The following BLTP3B variants were observed in gnomAD, a reference collection of about 807,000 sequenced individuals.
The protein encoded by BLTP3B is UHRF1 (ICBP90) binding protein 1-like.
the BLTP3B span, among the ~76,000 whole-genome samples, chr12:100,136,415 ACT>A: frequency 1.3e-5 from 2 of 152,252 alleles, no homozygotes; most frequent in Admixed American, 6.5e-5. Context: ...TAGTGATCCT[ACT>A]CATGCTTCTT....
chr12:100,056,488 T>C, the BLTP3B span, among the ~76,000 whole-genome samples: 1 of 152,096 alleles, frequency 6.6e-6, no homozygotes, highest in Non-Finnish European at 1.5e-5. Context: ...ATTATGTTAC[T>C]AATTATCTAA....
At chr12:100,050,356 C>T in the BLTP3B span, 1 of 1,533,490 alleles carries the variant, frequency 6.5e-7, no homozygotes, top group Non-Finnish European at 8.7e-7. Flanking sequence ...GTATGCCAAG[C>T]AGTTCAAAAC....
the BLTP3B span, among the ~76,000 whole-genome samples, chr12:100,138,478 A>C: frequency 1.3e-4 from 20 of 152,354 alleles, no homozygotes; most frequent in South Asian, 4.1e-3. Context: ...TATGCTGTGC[A>C]ATGTAGAACG....
the BLTP3B span, chr12:100,050,351 C>A: frequency 6.4e-7 from 1 of 1,557,156 alleles, no homozygotes. Flanking sequence ...TATTAGTATG[C>A]CAAGCAGTTC....
At chr12:100,074,738 T>G in the BLTP3B span, among the ~76,000 whole-genome samples, 1 of 151,912 alleles carries the variant, frequency 6.6e-6, no homozygotes, top group Admixed American at 6.6e-5. Flanking sequence ...AAAGCCTGAA[T>G]AGCCAAAGCA....
At chr12:100,142,840 G>C in the BLTP3B span, 5 of 663,152 alleles carry the variant, frequency 7.5e-6, no homozygotes, top group African/African-American at 2.0e-5. Flanking sequence ...GCCGCCGCGG[G>C]CGCCATCTTG....
At chr12:100,043,877 G>A in the BLTP3B span, among the ~76,000 whole-genome samples, 3 of 152,114 alleles carry the variant, frequency 2.0e-5, no homozygotes, top group Non-Finnish European at 4.4e-5. Flanking sequence ...ATCTTGTTGG[G>A]GAGATTCCTC....
At chr12:100,110,962 G>T in the BLTP3B span, among the ~76,000 whole-genome samples, 1 of 152,248 alleles carries the variant, frequency 6.6e-6, no homozygotes, top group East Asian at 1.9e-4. Context: ...GGGGATGGAG[G>T]TGAAGCATGG....
the BLTP3B span, among the ~76,000 whole-genome samples, chr12:100,105,022 G>A: frequency 1.3e-5 from 2 of 151,780 alleles, no homozygotes; most frequent in East Asian, 1.9e-4. Flanking sequence ...TCCCATACTC[G>A]TGGACTGGAA....
chr12:100,043,338 C>T, the BLTP3B span, among the ~76,000 whole-genome samples: 39 of 152,258 alleles, frequency 2.6e-4, no homozygotes, highest in South Asian at 6.4e-3. Context: ...CTTGTGAAAA[C>T]GCTATTCTTT....
the BLTP3B span, among the ~76,000 whole-genome samples, chr12:100,109,723 G>A: frequency 1.3e-5 from 2 of 150,406 alleles, no homozygotes; most frequent in Non-Finnish European, 2.9e-5. Context: ...CTGAGATTGT[G>A]CCACTGCACT....
chr12:100,110,267 C>A, the BLTP3B span, among the ~76,000 whole-genome samples: 1 of 152,156 alleles, frequency 6.6e-6, no homozygotes, highest in Non-Finnish European at 1.5e-5. Context: ...AGAATTTGAG[C>A]CAGATTCTAT....
chr12:100,125,971 C>T, the BLTP3B span, among the ~76,000 whole-genome samples: 41,854 of 152,020 alleles, frequency 0.28, 8,241 homozygotes, highest in African/African-American at 0.56. Flanking sequence ...ATTCTCTTAA[C>T]AGTAAAGTAG....
the BLTP3B span, among the ~76,000 whole-genome samples, chr12:100,109,162 CTCT>C: frequency 2.9e-4 from 2 of 6,832 alleles, no homozygotes; most frequent in Admixed American, 1.1e-3. Flanking sequence ...CAGTTTTCCT[CTCT>C]CTCTCTCTCT....
the BLTP3B span, among the ~76,000 whole-genome samples, chr12:100,068,318 T>C: frequency 6.6e-6 from 1 of 152,230 alleles, no homozygotes; most frequent in African/African-American, 2.4e-5. Flanking sequence ...AAACTGGATC[T>C]TCTTCTCTCA....
the BLTP3B span, among the ~76,000 whole-genome samples, chr12:100,118,370 A>G: frequency 4.6e-5 from 7 of 151,902 alleles, no homozygotes; most frequent in African/African-American, 1.7e-4. Context: ...CCAGTCTGGG[A>G]GAGTGAGTGA....
At chr12:100,048,846 C>T in the BLTP3B span, among the ~76,000 whole-genome samples, 25 of 148,338 alleles carry the variant, frequency 1.7e-4, no homozygotes, top group Non-Finnish European at 2.5e-4. Flanking sequence ...ACCCTGTCCC[C>T]CCAAAAAATT....
chr12:100,135,541 T>A, the BLTP3B span, among the ~76,000 whole-genome samples: 2 of 152,086 alleles, frequency 1.3e-5, no homozygotes, highest in Admixed American at 6.5e-5. Flanking sequence ...AGTGCTGGGA[T>A]TACAGGTGAG....
the BLTP3B span, chr12:100,103,964 A>C: frequency 4.0e-5 from 63 of 1,594,674 alleles, no homozygotes; most frequent in Admixed American, 8.6e-4. Flanking sequence ...ACAAATGAAA[A>C]ATTTTTAATT....
Sources: allele counts gnomAD v4.1 joint callset (sites outside exome capture counted in the v4.1 genomes callset), GRCh38; gene constraint gnomAD v4.1.1; transcripts MANE v1.5; gene names NCBI Gene and HGNC (gene_info 2026-07-23, HGNC 2026-07-21).